RABGAP1L: variants seen among roughly 807,000 people sequenced by gnomAD.
The protein encoded by RABGAP1L is rab GTPase-activating protein 1-like.
Under a neutral mutation model 137.7 loss-of-function variants are expected in RABGAP1L, and 63 were observed. The ratio of observed to expected loss-of-function variants is 0.46; its 90% CI spans 0.37 to 0.56. The LOEUF (loss-of-function observed/expected upper bound fraction) is 0.56, where lower values mean the gene tolerates loss of function less well. Among genes scored for constraint, RABGAP1L ranks in the 20% least tolerant of loss-of-function variants. The pLI is 0.00. For missense variants in RABGAP1L, 1,095 were observed against 1,244.0 expected, an observed-to-expected ratio of 0.88 and a Z score of 1.80; for synonymous variants, 431 against 433.7, an observed-to-expected ratio of 0.99 and a Z score of 0.08.
chr1:174,909,562 A>G (rs1558220680), intron 19 of RABGAP1L, among the ~76,000 whole-genome samples: 1 of 152,250 alleles, frequency 6.6e-6, no homozygotes, highest in Non-Finnish European at 1.5e-5. Context: ...ATGGAATAAA[A>G]TAAATTAAAA....
rs914134794 is a variant in RABGAP1L, at chr1:174,761,822, G to A, written c.2211+9468G>A. ...CCCACAACACATGGGAATTGTGGGA[G>A]TTAGAATTCAAGATGAGGTTTGGGT... On this transcript the variant is annotated intron_variant, in intron 18 of 25. Transcript: ENST00000681986. The surrounding 1 kb of genome is among the most constrained non-coding windows in gnomAD (Gnocchi z 4.0). 5.9e-5 allele frequency among the ~76,000 whole-genome samples: 9 copies of A among 152,132 alleles called. No individual in the cohort carries two copies. Among genetic ancestry groups the A allele is most frequent in the Non-Finnish European group, 1.2e-4 (8 of 68,022 alleles).
At chr1:174,359,285 A>G (rs931438989) in intron 11 of RABGAP1L, among the ~76,000 whole-genome samples, 3 of 151,674 alleles carry the variant, frequency 2.0e-5, no homozygotes, top group Admixed American at 6.6e-5. Context: ...CATCCTATCT[A>G]GAAACTTGTC....
intron 14 of RABGAP1L, among the ~76,000 whole-genome samples, chr1:174,661,627 T>C (rs1220756946): frequency 6.6e-6 from 1 of 152,244 alleles, no homozygotes; most frequent in Non-Finnish European, 1.5e-5. Context: ...TATTTTGTTA[T>C]GATTTTTATA....
At chr1:174,566,526 T>C (rs1430308167) in intron 13 of RABGAP1L, among the ~76,000 whole-genome samples, 1 of 152,170 alleles carries the variant, frequency 6.6e-6, no homozygotes, top group Admixed American at 6.5e-5. Flanking sequence ...GAACCATAGC[T>C]TTCAGTGTAT....
intron 13 of RABGAP1L, among the ~76,000 whole-genome samples, chr1:174,555,556 T>C (rs1331060543): frequency 6.6e-6 from 1 of 152,180 alleles, no homozygotes; most frequent in Non-Finnish European, 1.5e-5. Flanking sequence ...AAATGTATGT[T>C]CCCTTTCTTT....
chr1:174,753,770 T>A (rs947012302), intron 18 of RABGAP1L, among the ~76,000 whole-genome samples: 3 of 152,104 alleles, frequency 2.0e-5, no homozygotes, highest in Non-Finnish European at 2.9e-5. Context: ...TAATACAGAC[T>A]AAAAAAATAT....
chr1:174,737,328 A>C (rs772724207), intron 17 of RABGAP1L, among the ~76,000 whole-genome samples: 4 of 152,166 alleles, frequency 2.6e-5, no homozygotes, highest in South Asian at 2.1e-4. Context: ...TCAAACTTCC[A>C]CAAATCCCTA....
intron 13 of RABGAP1L, among the ~76,000 whole-genome samples, chr1:174,404,955 T>C (rs1175867953): frequency 6.6e-6 from 1 of 152,226 alleles, no homozygotes; most frequent in Non-Finnish European, 1.5e-5. Context: ...AAATTTTCCC[T>C]GCATTTATTC....
At chr1:174,551,021 T>TATATATATATACACAC (rs1553330343) in intron 13 of RABGAP1L, among the ~76,000 whole-genome samples, 1 of 122,796 alleles carries the variant, frequency 8.1e-6, no homozygotes, top group African/African-American at 3.8e-5. Flanking sequence ...TATATATATA[T>TATATATATATACACAC]ACATACACAC....
At chr1:174,452,153 A>G (rs1655521246) in intron 13 of RABGAP1L, among the ~76,000 whole-genome samples, 1 of 152,244 alleles carries the variant, frequency 6.6e-6, no homozygotes, top group Non-Finnish European at 1.5e-5. Flanking sequence ...TAGGAAGCAT[A>G]ACCATTTTTC....
chr1:174,597,264 A>G (rs1054636808), intron 13 of RABGAP1L, among the ~76,000 whole-genome samples: 5 of 152,052 alleles, frequency 3.3e-5, no homozygotes, highest in Non-Finnish European at 4.4e-5. Context: ...CTCCTCCATT[A>G]TTTTTTGGAA....
intron 17 of RABGAP1L, among the ~76,000 whole-genome samples, chr1:174,702,770 A>G (rs1005151759): frequency 2.0e-5 from 3 of 152,068 alleles, no homozygotes; most frequent in African/African-American, 7.2e-5. Flanking sequence ...ATAGTAGAAT[A>G]TTTCAAAAAT....
intron 14 of RABGAP1L, among the ~76,000 whole-genome samples, chr1:174,659,583 A>G (rs1475184085): frequency 2.6e-5 from 4 of 152,060 alleles, no homozygotes; most frequent in African/African-American, 4.8e-5. Flanking sequence ...TCTGTTTTCT[A>G]TCTACATTTA....
chr1:174,651,003 T>A (rs1235371689), intron 14 of RABGAP1L, among the ~76,000 whole-genome samples: 4 of 150,468 alleles, frequency 2.7e-5, no homozygotes, highest in Non-Finnish European at 1.5e-5. Context: ...CACACTGCTT[T>A]GAATGTGTCC....
At chr1:174,657,706 G>A (rs962236316) in intron 14 of RABGAP1L, among the ~76,000 whole-genome samples, 1 of 152,150 alleles carries the variant, frequency 6.6e-6, no homozygotes, top group South Asian at 2.1e-4. Flanking sequence ...ATAAAGGAGT[G>A]CAGATATCCC....
chr1:174,802,942 C>G (rs943570550), intron 18 of RABGAP1L, among the ~76,000 whole-genome samples: 1 of 152,126 alleles, frequency 6.6e-6, no homozygotes, highest in African/African-American at 2.4e-5. Flanking sequence ...CATTTCTAGT[C>G]AAGAGGAAGT....
intron 19 of RABGAP1L, among the ~76,000 whole-genome samples, chr1:174,905,440 A>C (rs745575139): frequency 3.3e-5 from 5 of 152,210 alleles, no homozygotes; most frequent in Admixed American, 6.5e-5. Flanking sequence ...AATTAAATGG[A>C]AATTTTAGAA....
intron 13 of RABGAP1L, chr1:174,548,585 T>A: frequency 1.0e-6 from 1 of 971,524 alleles, no homozygotes; most frequent in Non-Finnish European, 1.2e-6. Context: ...TGTACTTTTT[T>A]CATACCCACA....
chr1:174,311,845 G>A (rs1392130979), intron 11 of RABGAP1L, among the ~76,000 whole-genome samples: 2 of 152,182 alleles, frequency 1.3e-5, no homozygotes, highest in Non-Finnish European at 2.9e-5. Context: ...GACCTCAGGT[G>A]ATCCACCCAC....
Sources: gnomAD v4.1 joint callset for allele counts (sites outside exome capture counted in the v4.1 genomes callset) on GRCh38, gnomAD v4.1.1 for gene constraint, Gnocchi (gnomAD v3.1) non-coding constraint, MANE v1.5 for transcripts, NCBI Gene and HGNC (gene_info 2026-07-23, HGNC 2026-07-21) for gene names.